PDSS2: variants seen among roughly 807,000 people sequenced by gnomAD.
PDSS2 encodes the protein all trans-polyprenyl-diphosphate synthase PDSS2.
A neutral mutation model predicts 44.5 loss-of-function variants in PDSS2; 31 were observed. The observed-to-expected ratio is 0.70, with a 90% CI of 0.52 to 0.94. The LOEUF (loss-of-function observed/expected upper bound fraction) is 0.94, where lower values mean the gene tolerates loss of function less well. Among genes scored for constraint, PDSS2 ranks in the 40% least tolerant of loss-of-function variants. The pLI is 0.00. For missense variants in PDSS2, 452 were observed against 482.2 expected (o/e 0.94, Z 0.59); for synonymous variants, 157 against 180.3 (o/e 0.87, Z 1.03).
intron 1 of PDSS2, among the ~76,000 whole-genome samples, chr6:107,439,584 G>A (rs1472800139): frequency 2.6e-5 from 4 of 152,206 alleles, no homozygotes; most frequent in Non-Finnish European, 5.9e-5. Context: ...TGAGCATTAT[G>A]TTACAGCTGC....
intron 6 of PDSS2, 103 bp downstream of exon 6, chr6:107,210,336 G>A: frequency 3.5e-6 from 3 of 863,236 alleles, no homozygotes; most frequent in Non-Finnish European, 5.8e-6. Context: ...ACGTGAATAT[G>A]CCTAAGGCTC....
chr6:107,422,575 A>G (rs1248166434), intron 1 of PDSS2, among the ~76,000 whole-genome samples: 26 of 152,130 alleles, frequency 1.7e-4, no homozygotes. Flanking sequence ...ATTTAAAAAA[A>G]AGAGGATAAT....
In PDSS2 at chr6:107,212,843, A is replaced by G. The variant is rs766249841; in HGVS notation, c.703-561T>C. Among the ~76,000 whole-genome samples, 1,126 of 150,684 alleles carry G rather than the reference A, an allele frequency of 7.5e-3. 9 individuals carry two copies. The highest frequency in any genetic ancestry group is 0.012 in the Non-Finnish European group (813 of 67,410). ...CAACATAGCAAGACTCTACAAAAAA[A>G]AAAAAAAAAAAATAGCTAGGCAAGG... On this transcript the variant is annotated intron_variant, in intron 4 of 7. Coordinates refer to ENST00000369037, the MANE Select transcript of PDSS2 (RefSeq NM_020381.4).
chr6:107,241,296 A>C, intron 4 of PDSS2, among the ~76,000 whole-genome samples: 1 of 147,878 alleles, frequency 6.8e-6, no homozygotes, highest in African/African-American at 2.5e-5. Flanking sequence ...GTACATTTTC[A>C]CAGCTTTAAG....
chr6:107,402,614 G>T (rs1780181624), intron 1 of PDSS2, among the ~76,000 whole-genome samples: 1 of 147,392 alleles, frequency 6.8e-6, no homozygotes, highest in African/African-American at 2.5e-5. Context: ...CACATGGCTA[G>T]AGAGGCCTCA....
intron 7 of PDSS2, among the ~76,000 whole-genome samples, chr6:107,181,112 T>C (rs1333959220): frequency 1.3e-5 from 2 of 152,212 alleles, no homozygotes; most frequent in Non-Finnish European, 2.9e-5. Flanking sequence ...CCCAAAGTGC[T>C]GGAATTATAG....
chr6:107,179,064 A>G (rs1771886446), intron 7 of PDSS2, among the ~76,000 whole-genome samples: 1 of 152,230 alleles, frequency 6.6e-6, no homozygotes, highest in Non-Finnish European at 1.5e-5. Flanking sequence ...GCACGCATAC[A>G]ATGGCATGCA....
chr6:107,312,173 C>T (rs117052530), intron 2 of PDSS2, among the ~76,000 whole-genome samples: 8 of 152,332 alleles, frequency 5.3e-5, no homozygotes, highest in East Asian at 1.9e-4. Flanking sequence ...AGTTATTCCT[C>T]ACTTTCTCCC....
chr6:107,390,509 C>A (rs1040759353), intron 1 of PDSS2, among the ~76,000 whole-genome samples: 2 of 152,068 alleles, frequency 1.3e-5, no homozygotes, highest in Non-Finnish European at 2.9e-5. Flanking sequence ...GGAGATATTA[C>A]ATCTAAACGT....
chr6:107,234,353 G>A (rs201234268), intron 4 of PDSS2, among the ~76,000 whole-genome samples: 76 of 152,016 alleles, frequency 5.0e-4, no homozygotes, highest in East Asian at 7.7e-4. Flanking sequence ...CTATAGGCGC[G>A]TGCCACTATG....
chr6:107,421,747 C>T (rs1780829756), intron 1 of PDSS2, among the ~76,000 whole-genome samples: 2 of 151,150 alleles, frequency 1.3e-5, no homozygotes, highest in Admixed American at 6.6e-5. Flanking sequence ...AGCGATGGAA[C>T]AGTCCTATAT....
At chr6:107,427,193 G>A (rs1781032576) in intron 1 of PDSS2, among the ~76,000 whole-genome samples, 1 of 152,282 alleles carries the variant, frequency 6.6e-6, no homozygotes, top group Non-Finnish European at 1.5e-5. Flanking sequence ...GACAGTGAAT[G>A]AGTCTCACGA....
chr6:107,182,484 CA>C (rs1772018647), intron 7 of PDSS2, among the ~76,000 whole-genome samples: 1 of 152,180 alleles, frequency 6.6e-6, no homozygotes, highest in Admixed American at 6.5e-5. Flanking sequence ...GCCACCACAC[CA>C]GGCTAATTTT....
intron 3 of PDSS2, among the ~76,000 whole-genome samples, chr6:107,249,035 G>A (rs1774724369): frequency 6.6e-6 from 1 of 152,188 alleles, no homozygotes; most frequent in Non-Finnish European, 1.5e-5. Flanking sequence ...GCTGAGCTCT[G>A]ATTCTTGAAG....
intron 3 of PDSS2, among the ~76,000 whole-genome samples, chr6:107,266,689 G>A (rs958551685): frequency 1.3e-5 from 2 of 152,192 alleles, no homozygotes; most frequent in African/African-American, 4.8e-5. Context: ...AGAAGCTTCA[G>A]GCTGAATAGT....
At chr6:107,456,785 T>C (rs1182979550) in intron 1 of PDSS2, among the ~76,000 whole-genome samples, 1 of 152,174 alleles carries the variant, frequency 6.6e-6, no homozygotes, top group Non-Finnish European at 1.5e-5. Context: ...TCAAGCAATC[T>C]TTCTACTTTG....
At position 107,193,963 on chromosome 6, in the gene PDSS2, T is replaced by G. The variant is rs1772469580; in HGVS notation, c.1009-109A>C. Reference sequence around the variant, plus strand: ...CTCAGCTTCTCTGTCCCCCTTTCCCTCTCTCTATTTAATATACATATTGAA... The same window carrying G: ...CTCAGCTTCTCTGTCCCCCTTTCCCGCTCTCTATTTAATATACATATTGAA... On this transcript the variant is annotated intron_variant, in intron 6 of 7. Transcript: ENST00000369037. 1.4e-4 allele frequency: 104 copies of G among 751,570 alleles called. No homozygotes were observed. In the South Asian group the frequency reaches 1.4e-3, roughly 10 times the overall value. 46.6% of individuals were successfully genotyped at this position (751,570 alleles called of 1,614,324 possible). A position where few individuals can be genotyped will look rare whatever the true frequency, so the allele number is the denominator to read the frequency against.
intron 7 of PDSS2, 89 bp downstream of exon 7, chr6:107,193,733 C>A: frequency 1.2e-6 from 1 of 827,996 alleles, no homozygotes; most frequent in East Asian, 2.4e-5. Flanking sequence ...TCAATGTGAT[C>A]ATTCTCTTTT....
At chr6:107,280,214 G>T (rs1345245072) in intron 2 of PDSS2, among the ~76,000 whole-genome samples, 1 of 151,970 alleles carries the variant, frequency 6.6e-6, no homozygotes, top group Non-Finnish European at 1.5e-5. Flanking sequence ...CATGCGCCAT[G>T]ATGTCCAGCT....
Sources: allele counts gnomAD v4.1 joint callset (sites outside exome capture counted in the v4.1 genomes callset), GRCh38; gene constraint gnomAD v4.1.1; transcripts MANE v1.5; gene names NCBI Gene and HGNC (gene_info 2026-07-23, HGNC 2026-07-21).